NAV1: variants seen among roughly 807,000 people sequenced by gnomAD.
The protein encoded by NAV1 is pore membrane and/or filament interacting like protein 3.
A neutral mutation model predicts 175.2 loss-of-function variants in NAV1; 18 were observed. That is an observed-to-expected ratio of 0.10 (90% CI 0.07 to 0.15). The LOEUF is 0.15. Ranked by LOEUF, NAV1 falls within the 10% of genes least tolerant of loss-of-function variation. The pLI is 1.00. For missense variants in NAV1, 1,731 were observed against 2,436.6 expected (o/e 0.71, Z 6.10); for synonymous variants, 897 against 978.7 (o/e 0.92, Z 1.56).
intron 2 of NAV1, among the ~76,000 whole-genome samples, chr1:201,613,891 A>G (rs1476752491): frequency 1.3e-5 from 2 of 152,160 alleles, no homozygotes; most frequent in African/African-American, 2.4e-5. Context: ...CTTAGTCTTT[A>G]TAGCAACACT....
chr1:201,723,973 G>GCTTA (rs1672498292), intron 3 of NAV1: 2 of 152,104 alleles, frequency 1.3e-5, no homozygotes, highest in South Asian at 4.1e-4. Context: ...AAAGTCCCTA[G>GCTTA]CTTATTTCAG....
chr1:201,561,863 C>G (rs1196943725), intron 1 of NAV1, among the ~76,000 whole-genome samples: 2 of 152,230 alleles, frequency 1.3e-5, no homozygotes, highest in Non-Finnish European at 2.9e-5. Flanking sequence ...CCCCCATGTT[C>G]AGGGCCCTTA....
intron 1 of NAV1, among the ~76,000 whole-genome samples, chr1:201,540,636 C>T (rs1022842044): frequency 2.0e-5 from 3 of 152,134 alleles, no homozygotes; most frequent in African/African-American, 7.2e-5. Flanking sequence ...TTTTTTAAAT[C>T]CTGCTTTGAC....
At chr1:201,749,239 C>T (rs1393402589) in intron 3 of NAV1, among the ~76,000 whole-genome samples, 1 of 152,192 alleles carries the variant, frequency 6.6e-6, no homozygotes. Flanking sequence ...TGATTTCAGC[C>T]CAATGATTCA....
intron 15 of NAV1, among the ~76,000 whole-genome samples, chr1:201,799,913 A>G (rs1677741030): frequency 6.6e-6 from 1 of 151,820 alleles, no homozygotes; most frequent in Admixed American, 6.6e-5. Flanking sequence ...TAACTGATAT[A>G]TCTCAACTAA....
chr1:201,808,273 G>A lies in NAV1; in HGVS notation c.3845+124G>A. 2 of 1,388,016 alleles carry A rather than the reference G, an allele frequency of 1.4e-6. No homozygotes were observed. Among genetic ancestry groups the A allele is most frequent in the Non-Finnish European group, 2.0e-6 (2 of 1,014,824 alleles). The allele number at this position is 1,388,016 out of a possible 1,614,324, so 86.0% of individuals were successfully genotyped here. A position where few individuals can be genotyped will look rare whatever the true frequency, so the allele number is the denominator to read the frequency against. On this transcript the variant is annotated intron_variant, in intron 18 of 29. Transcript: ENST00000367296. This position sits in a 1 kb window ranked among gnomAD's most constrained non-coding sequence, Gnocchi z 5.5. ...ATTACTGACCTCTCCCTGGGCATATGAGACCAACAGATGGACCTTTCTTCT... is the reference window on the plus strand; with the variant it reads ...ATTACTGACCTCTCCCTGGGCATATAAGACCAACAGATGGACCTTTCTTCT...
chr1:201,821,437 A>G (rs962404750), exon 30 of NAV1: 2 of 151,634 alleles, frequency 1.3e-5, no homozygotes, highest in African/African-American at 4.9e-5. Context: ...AGGTCTGGCA[A>G]TCCCTGTTCT....
At position 201,810,796 on chromosome 1, in the gene NAV1, T is replaced by C; in HGVS notation, c.4797+38T>C. On this transcript the variant is annotated intron_variant, in intron 24 of 29. Transcript: ENST00000367296. The surrounding 1 kb of genome is among the most constrained non-coding windows in gnomAD (Gnocchi z 6.0). ...CGACACCCCTGCCAGCCTTTGTTCATGCCTCAGCCTTCCCTAAGACCCTTC... is the reference window on the plus strand; with the variant it reads ...CGACACCCCTGCCAGCCTTTGTTCACGCCTCAGCCTTCCCTAAGACCCTTC... 1 of 1,532,826 alleles carries C rather than the reference T, an allele frequency of 6.5e-7. No individual in the cohort carries two copies. The highest frequency in any genetic ancestry group is 9.0e-7 in the Non-Finnish European group (1 of 1,111,342). 95.0% of individuals were successfully genotyped at this position (1,532,826 alleles called of 1,614,324 possible).
chr1:201,544,884 G>A (rs1437444627), intron 1 of NAV1, among the ~76,000 whole-genome samples: 1 of 152,130 alleles, frequency 6.6e-6, no homozygotes, highest in Non-Finnish European at 1.5e-5. Context: ...TTTCAAGGAA[G>A]GTTGATATAT....
chr1:201,697,537 C>A (rs1671243086), intron 1 of NAV1, among the ~76,000 whole-genome samples: 3 of 152,242 alleles, frequency 2.0e-5, no homozygotes, highest in Admixed American at 2.0e-4. Flanking sequence ...CTGAGATCAG[C>A]AGGCTGTGTC....
chr1:201,640,843 C>T (rs1338008287), intron 2 of NAV1, among the ~76,000 whole-genome samples: 2 of 152,226 alleles, frequency 1.3e-5, no homozygotes, highest in Admixed American at 6.5e-5. Context: ...AATCAATCGT[C>T]ATTCACCAAA....
rs79558714 is a variant in NAV1, at chr1:201,542,148, G to T, written c.-144+2806G>T. 1.1e-3 allele frequency among the ~76,000 whole-genome samples: 163 copies of T among 152,278 alleles called. 1 individual carries two copies. The East Asian group carries it at 0.027, about 25-fold the overall frequency. ...CACAACTGGGGTACTGCAGAAGCCC[G>T]CCTAGAATGCAGGGCTCCTGGCTTT... On this transcript the variant is annotated intron_variant, in intron 1 of 33. Transcript: ENST00000685211.
chr1:201,602,799 T>C (rs621662), intron 2 of NAV1, among the ~76,000 whole-genome samples: 48,028 of 151,642 alleles, frequency 0.32, 9,099 homozygotes, highest in East Asian at 0.54. Flanking sequence ...CAGCTACCCC[T>C]CAGCTCCTAC....
At chr1:201,650,763 G>T (rs1399621775) in intron 1 of NAV1, among the ~76,000 whole-genome samples, 1 of 152,178 alleles carries the variant, frequency 6.6e-6, no homozygotes, top group Non-Finnish European at 1.5e-5. Context: ...CGATCCTTAC[G>T]CAGGAGGCCG....
chr1:201,604,179 C>T (rs1381326736), intron 2 of NAV1, among the ~76,000 whole-genome samples: 1 of 152,152 alleles, frequency 6.6e-6, no homozygotes, highest in African/African-American at 2.4e-5. Flanking sequence ...CTCAGCCTCC[C>T]GAGTAGCTGT....
intron 3 of NAV1, among the ~76,000 whole-genome samples, chr1:201,768,380 G>A (rs1675347441): frequency 6.7e-6 from 1 of 150,132 alleles, no homozygotes; most frequent in South Asian, 2.1e-4. Context: ...GCTCATGCCT[G>A]TAATCCTAGC....
intron 1 of NAV1, among the ~76,000 whole-genome samples, chr1:201,541,982 T>G (rs1665528919): frequency 6.6e-6 from 1 of 152,194 alleles, no homozygotes; most frequent in Non-Finnish European, 1.5e-5. Flanking sequence ...AAAGTTCTTT[T>G]GACTTCTTGA....
intron 3 of NAV1, among the ~76,000 whole-genome samples, chr1:201,744,415 G>A (rs73088420): frequency 6.6e-6 from 1 of 151,936 alleles, no homozygotes; most frequent in Non-Finnish European, 1.5e-5. Flanking sequence ...GGGTACTGGC[G>A]ATAGAATAGT....
chr1:201,689,510 A>T (rs1313305047), intron 1 of NAV1, among the ~76,000 whole-genome samples: 1 of 152,220 alleles, frequency 6.6e-6, no homozygotes, highest in African/African-American at 2.4e-5. Flanking sequence ...AGAGACTCCT[A>T]GGTTCATAAG....
Sources: allele counts gnomAD v4.1 joint callset (sites outside exome capture counted in the v4.1 genomes callset), GRCh38; gene constraint gnomAD v4.1.1; non-coding constraint Gnocchi (gnomAD v3.1); transcripts MANE v1.5; gene names NCBI Gene and HGNC (gene_info 2026-07-23, HGNC 2026-07-21).